RBFOX1: variants seen among roughly 807,000 people sequenced by gnomAD.
RBFOX1 encodes RNA binding protein fox-1 homolog 1.
RBFOX1 carries 8 observed loss-of-function variants against 57.7 expected under a neutral mutation model. That is an observed-to-expected ratio of 0.14 (90% CI 0.08 to 0.25). RBFOX1 has a LOEUF of 0.25. Ranked by LOEUF, RBFOX1 falls within the 10% of genes least tolerant of loss-of-function variation. The pLI is 1.00. For synonymous variants in RBFOX1, 326 were observed against 222.4 expected, an observed-to-expected ratio of 1.47 and a Z score of -4.15; for missense variants, 611 against 548.5, an observed-to-expected ratio of 1.11 and a Z score of -1.14.
chr16:5,550,104 A>G (rs1480570624), intron 2 of RBFOX1, among the ~76,000 whole-genome samples: 2 of 152,196 alleles, frequency 1.3e-5, no homozygotes, highest in Non-Finnish European at 2.9e-5. Flanking sequence ...TCCCTAATAT[A>G]TCAGTTACAC....
At chr16:6,341,114 G>A (rs1245959289) in intron 2 of RBFOX1, among the ~76,000 whole-genome samples, 1 of 152,120 alleles carries the variant, frequency 6.6e-6, no homozygotes, top group Non-Finnish European at 1.5e-5. Context: ...CAAATTTTCT[G>A]TCTTACAGTT....
chr16:6,153,584 G>A (rs2096816416), intron 1 of RBFOX1, among the ~76,000 whole-genome samples: 1 of 152,054 alleles, frequency 6.6e-6, no homozygotes, highest in African/African-American at 2.4e-5. Context: ...TGCCCAGGCT[G>A]AAGTATAGTG....
intron 4 of RBFOX1, among the ~76,000 whole-genome samples, chr16:7,232,175 C>A (rs895142423): frequency 5.3e-5 from 8 of 152,090 alleles, no homozygotes; most frequent in African/African-American, 1.9e-4. Flanking sequence ...AGGTACATAC[C>A]ACCAGGCCCA....
chr16:5,739,649 G>A (rs768421167), intron 3 of RBFOX1, among the ~76,000 whole-genome samples: 7 of 152,174 alleles, frequency 4.6e-5, no homozygotes, highest in African/African-American at 7.2e-5. Context: ...AAAAACTTAC[G>A]CTTTGGCATT....
chr16:5,319,126 C>G (rs1193237671), intron 1 of RBFOX1, among the ~76,000 whole-genome samples: 1 of 108,934 alleles, frequency 9.2e-6, no homozygotes, highest in African/African-American at 8.3e-5. Context: ...GACTCTGTCT[C>G]AAACAAACAA....
intron 3 of RBFOX1, among the ~76,000 whole-genome samples, chr16:5,646,967 G>A (rs1243653216): frequency 2.6e-5 from 4 of 152,276 alleles, no homozygotes; most frequent in Non-Finnish European, 4.4e-5. Context: ...GGGAAATACC[G>A]AGAAAGGGGA....
intron 1 of RBFOX1, among the ~76,000 whole-genome samples, chr16:5,278,465 G>A (rs1596373729): frequency 6.6e-6 from 1 of 152,144 alleles, no homozygotes; most frequent in Non-Finnish European, 1.5e-5. Context: ...TGCCTAGGTC[G>A]TCTTCCAGCG....
chr16:7,349,906 G>A (rs967592888), intron 4 of RBFOX1, among the ~76,000 whole-genome samples: 1 of 152,188 alleles, frequency 6.6e-6, no homozygotes, highest in African/African-American at 2.4e-5. Context: ...CAACACTTTG[G>A]GAGGCCGAGG....
chr16:6,155,281 A>C (rs1390894551), intron 1 of RBFOX1, among the ~76,000 whole-genome samples: 9 of 152,214 alleles, frequency 5.9e-5, no homozygotes, highest in Non-Finnish European at 1.3e-4. Context: ...TGGTGATTTC[A>C]TAATAAAACA....
At chr16:6,996,137 T>G (rs532986316) in intron 3 of RBFOX1, among the ~76,000 whole-genome samples, 1 of 152,348 alleles carries the variant, frequency 6.6e-6, no homozygotes, top group South Asian at 2.1e-4. Flanking sequence ...TGTATCCTAA[T>G]TATCTGAAAC....
At chr16:6,345,017 C>T (rs1003485283) in intron 2 of RBFOX1, among the ~76,000 whole-genome samples, 1 of 151,946 alleles carries the variant, frequency 6.6e-6, no homozygotes, top group Non-Finnish European at 1.5e-5. Flanking sequence ...AAAACAAGAA[C>T]AATATATGGC....
intron 1 of RBFOX1, among the ~76,000 whole-genome samples, chr16:6,140,184 T>C (rs958286094): frequency 2.8e-5 from 4 of 144,234 alleles, no homozygotes; most frequent in Non-Finnish European, 6.1e-5. Flanking sequence ...CCACTGGAAA[T>C]GACTTTTTTT....
At chr16:7,088,567 T>C (rs566293520) in intron 4 of RBFOX1, among the ~76,000 whole-genome samples, 1 of 152,270 alleles carries the variant, frequency 6.6e-6, no homozygotes, top group Non-Finnish European at 1.5e-5. Flanking sequence ...GAGATCGTAT[T>C]AAAATAAGAG....
chr16:5,989,263 G>A (rs1596353543), intron 4 of RBFOX1, among the ~76,000 whole-genome samples: 3 of 151,988 alleles, frequency 2.0e-5, no homozygotes, highest in South Asian at 2.1e-4. Flanking sequence ...CCCGGGAGGC[G>A]GAGTTTACAG....
At chr16:6,892,342 T>G (rs1198242267) in intron 3 of RBFOX1, among the ~76,000 whole-genome samples, 1 of 152,160 alleles carries the variant, frequency 6.6e-6, no homozygotes. Flanking sequence ...AAAAGGGGGT[T>G]ATTTTAAGGA....
intron 4 of RBFOX1, among the ~76,000 whole-genome samples, chr16:7,227,629 CA>C (rs1470146161): frequency 2.6e-5 from 4 of 152,142 alleles, no homozygotes; most frequent in Non-Finnish European, 5.9e-5. Context: ...CAAGCCCAGT[CA>C]TTGTAGCCAC....
At chr16:7,053,424 T>C (rs2050789377) in intron 4 of RBFOX1, among the ~76,000 whole-genome samples, 1 of 152,184 alleles carries the variant, frequency 6.6e-6, no homozygotes, top group South Asian at 2.1e-4. Flanking sequence ...TACTGGTTCA[T>C]CCTGTTAAAT....
At chr16:6,037,420 C>T (rs180676437) in intron 1 of RBFOX1, 6 of 150,690 alleles carry the variant, frequency 4.0e-5, no homozygotes, top group Non-Finnish European at 7.4e-5. Context: ...AATTGTAGTC[C>T]TTAGTAAACT....
chr16:5,982,881 C>A (rs1034632377), intron 4 of RBFOX1, among the ~76,000 whole-genome samples: 6 of 152,194 alleles, frequency 3.9e-5, no homozygotes, highest in African/African-American at 1.4e-4. Flanking sequence ...GTAGCAGTGT[C>A]TGGCAGATGA....
Sources: allele counts gnomAD v4.1 joint callset (sites outside exome capture counted in the v4.1 genomes callset), GRCh38; gene constraint gnomAD v4.1.1; transcripts MANE v1.5; gene names NCBI Gene and HGNC (gene_info 2026-07-23, HGNC 2026-07-21).